Variants in NCR3LG1 observed in about 807,000 individuals in gnomAD.
The protein encoded by NCR3LG1 is natural cytotoxicity triggering receptor 3 ligand 1.
In NCR3LG1, 35 loss-of-function variants were observed where a neutral mutation model predicts 34.8. That is an observed-to-expected ratio of 1.01 (90% CI 0.77 to 1.33). The LOEUF (loss-of-function observed/expected upper bound fraction) is 1.33. NCR3LG1 is among the 40% of genes most tolerant of loss of function. NCR3LG1 has a pLI of 0.00. For missense variants in NCR3LG1, 452 were observed against 423.3 expected, an observed-to-expected ratio of 1.07 and a Z score of -0.60; for synonymous variants, 173 against 163.6, an observed-to-expected ratio of 1.06 and a Z score of -0.44.
chr11:17,364,270 A>G (rs189814813), intron 2 of NCR3LG1, among the ~76,000 whole-genome samples: 2 of 150,672 alleles, frequency 1.3e-5, no homozygotes, highest in East Asian at 2.0e-4. Context: ...TCTTGGCTCA[A>G]TGCAACCTCT....
At chr11:17,353,468 C>A (rs534721380) in intron 1 of NCR3LG1, among the ~76,000 whole-genome samples, 1 of 152,376 alleles carries the variant, frequency 6.6e-6, no homozygotes, top group East Asian at 1.9e-4. Flanking sequence ...CCTCCGCGCT[C>A]TATCAGTCTG....
chr11:17,378,599 G>T (rs1012438889), downstream of NCR3LG1, among the ~76,000 whole-genome samples: 28 of 152,076 alleles, frequency 1.8e-4, no homozygotes, highest in African/African-American at 6.3e-4. Flanking sequence ...TAACCCCAAC[G>T]ACGCCCCCTT....
intron 1 of NCR3LG1, among the ~76,000 whole-genome samples, chr11:17,354,077 T>C (rs546633415): frequency 3.3e-5 from 5 of 152,362 alleles, no homozygotes; most frequent in African/African-American, 7.2e-5. Context: ...GTTGTTGATA[T>C]AGAAAATGTT....
At chr11:17,361,249 G>A (rs1415366293) in intron 2 of NCR3LG1, among the ~76,000 whole-genome samples, 1 of 151,732 alleles carries the variant, frequency 6.6e-6, no homozygotes, top group Non-Finnish European at 1.5e-5. Context: ...TTTTGACTGG[G>A]ATTGCATTGA....
At chr11:17,363,265 A>G (rs866800516) in intron 2 of NCR3LG1, among the ~76,000 whole-genome samples, 1 of 151,714 alleles carries the variant, frequency 6.6e-6, no homozygotes, top group Non-Finnish European at 1.5e-5. Flanking sequence ...CAGCAGGTCT[A>G]TTGGTGAAAG....
At chr11:17,367,821 CTTT>C (rs59039794) in intron 3 of NCR3LG1, among the ~76,000 whole-genome samples, 1 of 139,988 alleles carries the variant, frequency 7.1e-6, no homozygotes, top group Non-Finnish European at 1.5e-5. Context: ...GTAGTCTTGT[CTTT>C]TTTTTTTTTT....
intron 2 of NCR3LG1, among the ~76,000 whole-genome samples, chr11:17,361,563 A>T (rs995022448): frequency 3.3e-5 from 5 of 149,542 alleles, no homozygotes; most frequent in African/African-American, 9.8e-5. Flanking sequence ...GGGATTACAG[A>T]TGTGAGCCAC....
At position 17,371,167 on chromosome 11, in the gene NCR3LG1, T is replaced by C. The variant is rs1174016141; in HGVS notation, c.859-839T>C. Among the ~76,000 whole-genome samples, 5 of 151,382 alleles carry C rather than the reference T, an allele frequency of 3.3e-5. No individual in the cohort carries two copies. In the East Asian group the frequency reaches 5.8e-4, roughly 17 times the overall value. On this transcript the variant is annotated intron_variant, in intron 4 of 4. Coordinates refer to ENST00000338965, the MANE Select transcript of NCR3LG1 (RefSeq NM_001202439.3). ...CTCTATGAGACAAACTAGTTTTTTT[T>C]CTACTGGACAGCATATTATGGGGAC... is the stretch of plus-strand genomic sequence containing the variant.
chr11:17,369,167 A>G (rs992246854), intron 4 of NCR3LG1, among the ~76,000 whole-genome samples: 2 of 152,196 alleles, frequency 1.3e-5, no homozygotes, highest in Non-Finnish European at 2.9e-5. Flanking sequence ...GTCACATACC[A>G]TCTGACCTCT....
At chr11:17,358,038 T>A (rs911892901) in intron 2 of NCR3LG1, among the ~76,000 whole-genome samples, 4 of 152,210 alleles carry the variant, frequency 2.6e-5, no homozygotes, top group East Asian at 3.8e-4. Context: ...AGACTTTTTT[T>A]AAGGACAGTT....
In NCR3LG1 at chr11:17,367,140, C is replaced by A; in HGVS notation, c.553C>A (p.Pro185Thr). The change falls in exon 3 of 5, where the codon CCC becomes ACC. Residue 185 changes from proline (P) to threonine (T), a missense_variant. Physicochemically the swap from Pro to Thr is conservative, Grantham distance 38. Transcript: ENST00000338965. ...ITWEKQTQKF[P>T]HPIEISEDVI... ...ATGGGAGAAGCAGACCCAGAAGTTTCCCCATCCCATAGAGATTTCTGAGGA... is the reference window on the plus strand; with the variant it reads ...ATGGGAGAAGCAGACCCAGAAGTTTACCCATCCCATAGAGATTTCTGAGGA... The A allele has an allele frequency of 6.5e-7, 1 of 1,536,468 alleles. No homozygotes were observed.
At chr11:17,352,944 T>C (rs1384660546) in intron 1 of NCR3LG1, among the ~76,000 whole-genome samples, 1 of 152,210 alleles carries the variant, frequency 6.6e-6, no homozygotes, top group African/African-American at 2.4e-5. Flanking sequence ...TGCTTGACCC[T>C]TACTAGGCTG....
intron 2 of NCR3LG1, among the ~76,000 whole-genome samples, chr11:17,360,739 T>C (rs1953261281): frequency 6.6e-6 from 1 of 152,172 alleles, no homozygotes; most frequent in South Asian, 2.1e-4. Flanking sequence ...TTCTGGGCTT[T>C]CTATTCAGTT....
intron 2 of NCR3LG1, among the ~76,000 whole-genome samples, chr11:17,362,637 C>CTTT (rs760247874): frequency 2.3e-4 from 23 of 101,584 alleles, no homozygotes; most frequent in Middle Eastern, 5.1e-3. Context: ...TTTTCTTCTT[C>CTTT]TTTTTTTTTT....
chr11:17,364,073 TTTC>T (rs1486024752), intron 2 of NCR3LG1, among the ~76,000 whole-genome samples: 3 of 152,194 alleles, frequency 2.0e-5, no homozygotes, highest in African/African-American at 7.2e-5. Context: ...TCCTTTCTCT[TTTC>T]TTCTTCTTGT....
At position 17,368,867 on chromosome 11, in the gene NCR3LG1, A is replaced by G; in HGVS notation, c.761A>G (p.Glu254Gly). 1 of 1,527,664 alleles carries G rather than the reference A, an allele frequency of 6.5e-7. No individual in the cohort carries two copies. Among genetic ancestry groups the G allele is most frequent in the Non-Finnish European group, 8.8e-7 (1 of 1,139,264 alleles). The allele number at this position is 1,527,664 out of a possible 1,614,324, so 94.6% of individuals were successfully genotyped here. The change falls in exon 4 of 5, where the codon GAA (glutamate) becomes GGA (glycine). Residue 254 changes from glutamate (E) to glycine (G), a missense_variant and splice_region_variant. Glu to Gly is a moderately conservative substitution (Grantham distance 98). Transcript: ENST00000338965. ...TAATGTTTTCCTTCTCTCTCTGCAG[A>G]AACTGAGAAGACAGATAATTTTTCC... is the stretch of plus-strand genomic sequence containing the variant. ...TLTAARHSLS[E>G]TEKTDNFSIH...
chr11:17,375,281 C>G lies in NCR3LG1; in HGVS notation c.*2769C>G, dbSNP rs763285644. The G allele has an allele frequency of 6.6e-6, 1 of 152,174 alleles. No individual in the cohort carries two copies. Among genetic ancestry groups the G allele is most frequent in the Non-Finnish European group, 1.5e-5 (1 of 68,036 alleles). The allele number at this position is 152,174 out of a possible 1,614,324, so 9.4% of individuals were successfully genotyped here. A position where few individuals can be genotyped will look rare whatever the true frequency, so the allele number is the denominator to read the frequency against. On this transcript the variant is annotated 3_prime_UTR_variant, in exon 5 of 5. Coordinates refer to ENST00000338965, the MANE Select transcript of NCR3LG1 (RefSeq NM_001202439.3). ...TGGAGAAACTGAACATAATTGTGAA[C>G]AGACTGTAGTACAACCTATGCCGCT...
chr11:17,374,273 T>G lies in NCR3LG1; in HGVS notation c.*1761T>G, dbSNP rs1311954444. 1.3e-5 allele frequency: 2 copies of G among 152,208 alleles called. No individual in the cohort carries two copies. Among genetic ancestry groups the G allele is most frequent in the Non-Finnish European group, 2.9e-5 (2 of 68,058 alleles). The allele number at this position is 152,208 out of a possible 1,614,324, so 9.4% of individuals were successfully genotyped here. On this transcript the variant is annotated 3_prime_UTR_variant, in exon 5 of 5. Transcript: ENST00000338965. ...AAAGGATGCCTTTTTCTGTATACCT[T>G]TATACCCTGACTCCCAATACTTGTT...
chr11:17,352,337 T>C (rs528421895), intron 1 of NCR3LG1, among the ~76,000 whole-genome samples: 54 of 152,094 alleles, frequency 3.6e-4, no homozygotes, highest in African/African-American at 1.3e-3. Flanking sequence ...CCCGCCACCA[T>C]GCCCGGCTAA....
Sources: allele counts gnomAD v4.1 joint callset (sites outside exome capture counted in the v4.1 genomes callset), GRCh38; gene constraint gnomAD v4.1.1; transcripts MANE v1.5; gene names NCBI Gene and HGNC (gene_info 2026-07-23, HGNC 2026-07-21).